ZNF112: variants seen among roughly 807,000 people sequenced by gnomAD.
The protein encoded by ZNF112 is zinc finger protein 112, also known as zinc finger protein 112 (Y14).
In ZNF112, 37 loss-of-function variants were observed where a neutral mutation model predicts 77.7. The observed-to-expected ratio is 0.48, with a 90% CI of 0.37 to 0.63. The LOEUF is 0.63. Ranked by LOEUF, ZNF112 falls within the 20% of genes least tolerant of loss-of-function variation. The pLI is 0.00. For synonymous variants in ZNF112, 333 were observed against 363.6 expected (o/e 0.92, Z 0.96); for missense variants, 950 against 1,077.4 (o/e 0.88, Z 1.66).
rs1970706168 is a variant in ZNF112, at chr19:44,352,206, A to C, written c.-4+4420T>G. Among the ~76,000 whole-genome samples, 3 of 152,126 alleles carry C rather than the reference A, an allele frequency of 2.0e-5. No homozygotes were observed. The South Asian group carries it at 6.2e-4, about 32-fold the overall frequency. ...CAATTGTCAAAACTCAGAAATGTAC[A>C]CCAAAAAGAATAAATTTCTACTATA... On this transcript the variant is annotated intron_variant, in intron 1 of 3. Coordinates refer to ENST00000354340, the MANE Select transcript of ZNF112 (RefSeq NM_013380.4).
At chr19:44,347,169 C>T (rs961667193) in intron 1 of ZNF112, among the ~76,000 whole-genome samples, 2 of 152,060 alleles carry the variant, frequency 1.3e-5, no homozygotes, top group African/African-American at 2.4e-5. Flanking sequence ...TGGTGTCCCT[C>T]GGCATCCCTG....
chr19:44,337,417 A>ATT (rs1208009054), intron 2 of ZNF112, among the ~76,000 whole-genome samples: 1 of 46,744 alleles, frequency 2.1e-5, no homozygotes, highest in African/African-American at 7.7e-5. Context: ...TATATATAAT[A>ATT]ATATATATTA....
chr19:44,353,675 G>T (rs963070924), intron 1 of ZNF112, among the ~76,000 whole-genome samples: 1 of 151,956 alleles, frequency 6.6e-6, no homozygotes. Context: ...AGCCATTAGG[G>T]AAATGTAAAT....
intron 1 of ZNF112, among the ~76,000 whole-genome samples, chr19:44,343,830 T>C (rs375275018): frequency 2.6e-5 from 4 of 152,168 alleles, no homozygotes; most frequent in Non-Finnish European, 5.9e-5. Context: ...CTTGCAACTA[T>C]AGAGATGCAG....
At chr19:44,346,264 C>T (rs1970588126) in intron 1 of ZNF112, among the ~76,000 whole-genome samples, 1 of 152,216 alleles carries the variant, frequency 6.6e-6, no homozygotes, top group African/African-American at 2.4e-5. Context: ...CATTAATTAA[C>T]CTCTCAATGC....
chr19:44,356,990 G>A (rs140812610), upstream of ZNF112, among the ~76,000 whole-genome samples: 128 of 152,304 alleles, frequency 8.4e-4, no homozygotes, highest in Middle Eastern at 6.8e-3. Context: ...CCAGCGGACC[G>A]TGCATGAAAG....
chr19:44,334,635 C>T lies in ZNF112; in HGVS notation c.220+1988G>A, dbSNP rs571068614. ...TGCTGTTTTCTACAGCTGAAGGACACGGCACCCTGCATTGTAGCTGCTCCA... is the reference window on the plus strand; with the variant it reads ...TGCTGTTTTCTACAGCTGAAGGACATGGCACCCTGCATTGTAGCTGCTCCA... On this transcript the variant is annotated intron_variant, in intron 3 of 3. Coordinates refer to ENST00000354340, the MANE Select transcript of ZNF112 (RefSeq NM_013380.4). Among the ~76,000 whole-genome samples, 9 of 152,364 alleles carry T rather than the reference C, an allele frequency of 5.9e-5. No homozygotes were observed. The South Asian group carries it at 8.3e-4, about 14-fold the overall frequency.
At chr19:44,342,783 C>A (rs1970514329) in intron 1 of ZNF112, among the ~76,000 whole-genome samples, 2 of 151,006 alleles carry the variant, frequency 1.3e-5, no homozygotes. Flanking sequence ...CCACTGCATT[C>A]CAGCCTGGGC....
upstream of ZNF112, among the ~76,000 whole-genome samples, chr19:44,359,913 C>T (rs4239530): frequency 0.63 from 95,594 of 151,872 alleles, 31,433 homozygotes; most frequent in South Asian, 0.78. Flanking sequence ...CTTTATGAGG[C>T]CACTGTAATA....
At chr19:44,359,725 C>G (rs1336818625), upstream of ZNF112, among the ~76,000 whole-genome samples, 4 of 152,054 alleles carry the variant, frequency 2.6e-5, no homozygotes, top group Admixed American at 2.6e-4. Context: ...TCAGTGGACC[C>G]TAAATTACAA....
chr19:44,360,286 A>G (rs552639538), upstream of ZNF112, among the ~76,000 whole-genome samples: 73 of 151,978 alleles, frequency 4.8e-4, no homozygotes, highest in African/African-American at 1.7e-3. Flanking sequence ...AAAAAGAAAG[A>G]AAAAGAAAAT....
chr19:44,346,448 G>A (rs186671061), intron 1 of ZNF112, among the ~76,000 whole-genome samples: 17 of 152,238 alleles, frequency 1.1e-4, no homozygotes, highest in Admixed American at 1.0e-3. Context: ...TCTAGAAGCT[G>A]CTCATTAGCT....
chr19:44,345,827 G>A (rs989311955), intron 1 of ZNF112, among the ~76,000 whole-genome samples: 1 of 152,084 alleles, frequency 6.6e-6, no homozygotes, highest in Non-Finnish European at 1.5e-5. Flanking sequence ...CCTTGCATGT[G>A]CCACCCCTCC....
chr19:44,350,598 C>G (rs995121677), intron 1 of ZNF112, among the ~76,000 whole-genome samples: 4 of 152,020 alleles, frequency 2.6e-5, no homozygotes, highest in Admixed American at 1.3e-4. Context: ...ATTTCAAAGA[C>G]AGTTAATGTC....
At chr19:44,364,038 T>C (rs888104476) in intron 1 of ZNF112, among the ~76,000 whole-genome samples, 3 of 152,102 alleles carry the variant, frequency 2.0e-5, no homozygotes, top group Admixed American at 6.5e-5. Flanking sequence ...GCCTCCTGAG[T>C]AGCTGGGATT....
rs200053346 is a variant in ZNF112 at position 44,362,473 on chromosome 19, G to A, written c.17+4608C>T. ...AAAAATAATCTATGGGATTTTTGAG[G>A]TGAAAAGATTGATCCTTCTATGGTC... On this transcript the variant is annotated intron_variant, in intron 1 of 4. Coordinates refer to the ZNF112 transcript ENST00000588057. 9.3e-4 allele frequency among the ~76,000 whole-genome samples: 142 copies of A among 151,960 alleles called. 3 individuals carry two copies. The East Asian group carries it at 0.024, about 26-fold the overall frequency.
intron 1 of ZNF112, among the ~76,000 whole-genome samples, chr19:44,365,512 C>T (rs570112387): frequency 5.5e-4 from 83 of 151,128 alleles, no homozygotes; most frequent in African/African-American, 1.9e-3. Context: ...AAATTGTATA[C>T]ACACACACAC....
In ZNF112 at chr19:44,328,787, A is replaced by C. The variant is rs762155095; in HGVS notation, c.1370T>G (p.Ile457Arg). The C allele has an allele frequency of 3.7e-6, 6 of 1,614,104 alleles. No individual in the cohort carries two copies. Among genetic ancestry groups the C allele is most frequent in the East Asian group, 2.2e-5 (1 of 44,868 alleles). ...ATATGGTTGTTCCTTAGTGTGGACT[A>C]TCTGAAGGTCCTGAAAATGTGAGGC... ...SLASHFQDLQIVHTKEQPYKR... is the reference protein window; with the variant it reads ...SLASHFQDLQRVHTKEQPYKR... The change falls in exon 4 of 4, where the codon ATA becomes AGA. Residue 457 changes from isoleucine to arginine, a missense_variant. Ile to Arg is a moderately conservative substitution (Grantham distance 97). Transcript: ENST00000354340.
intron 3 of ZNF112, among the ~76,000 whole-genome samples, chr19:44,330,459 G>C (rs28616083): frequency 0.3 from 46,260 of 152,052 alleles, 7,575 homozygotes; most frequent in South Asian, 0.41. Flanking sequence ...AACATGGCTG[G>C]GCATGGTGGC....
Sources: gnomAD v4.1 joint callset for allele counts (sites outside exome capture counted in the v4.1 genomes callset) on GRCh38, gnomAD v4.1.1 for gene constraint, MANE v1.5 for transcripts, NCBI Gene and HGNC (gene_info 2026-07-23, HGNC 2026-07-21) for gene names.